Variants in DAB2IP observed in about 807,000 individuals in gnomAD.
DAB2IP encodes disabled homolog 2-interacting protein.
DAB2IP carries 28 observed loss-of-function variants against 107.2 expected under a neutral mutation model. That is an observed-to-expected ratio of 0.26 (90% CI 0.19 to 0.36). The LOEUF (loss-of-function observed/expected upper bound fraction) is 0.36. DAB2IP is among the 10% of genes least tolerant of loss of function. The probability of loss-of-function intolerance (pLI) is 1.00; values close to 1 mark genes in which losing one functional copy is unlikely to be tolerated. For missense variants in DAB2IP, 1,400 were observed against 1,644.7 expected, an observed-to-expected ratio of 0.85 and a Z score of 2.57; for synonymous variants, 755 against 706.4, an observed-to-expected ratio of 1.07 and a Z score of -1.09.
Position 121,701,867 on chromosome 9 carries a change from T to C in DAB2IP, c.362+2409T>C, listed in dbSNP as rs1250300187. On this transcript the variant is annotated intron_variant, in intron 3 of 15. Coordinates refer to ENST00000408936, the Ensembl canonical transcript of DAB2IP. This position sits in a 1 kb window ranked among gnomAD's most constrained non-coding sequence, Gnocchi z 4.7. Reference sequence around the variant, plus strand: ...TGAAGGCTGGGAGGGCAGGATGGGCTGTCTTTGGCTTGGTTTAGCAGCAAG... The same window carrying C: ...TGAAGGCTGGGAGGGCAGGATGGGCCGTCTTTGGCTTGGTTTAGCAGCAAG... 6.6e-6 allele frequency among the ~76,000 whole-genome samples: 1 copy of C among 152,184 alleles called. No individual in the cohort carries two copies. Among genetic ancestry groups the C allele is most frequent in the Non-Finnish European group, 1.5e-5 (1 of 68,044 alleles).
In DAB2IP at chr9:121,662,220, T is replaced by C. The variant is rs185875163; in HGVS notation, c.124+10321T>C. On this transcript the variant is annotated intron_variant, in intron 1 of 15. Transcript: ENST00000408936. This position sits in a 1 kb window ranked among gnomAD's most constrained non-coding sequence, Gnocchi z 4.6. ...ATATTGCAGACACCCACCTCTCAGG[T>C]TGAACAAACCTTAACATTGCCATAC... 2.6e-5 allele frequency among the ~76,000 whole-genome samples: 4 copies of C among 152,246 alleles called. No homozygotes were observed. The highest frequency in any genetic ancestry group is 2.0e-4 in the Admixed American group (3 of 15,304).
At position 121,772,726 on chromosome 9, in the gene DAB2IP, A is replaced by G. The variant is rs1399759591; in HGVS notation, c.2198A>G (p.Asn733Ser). ...CGCAGCTCGAGTTACTCGGAAGCCAACGAGCCTGATCTTCAGATGGCCAAC... is the reference window on the plus strand; with the variant it reads ...CGCAGCTCGAGTTACTCGGAAGCCAGCGAGCCTGATCTTCAGATGGCCAAC... The change falls in exon 12 of 16, where the codon AAC becomes AGC. Residue 733 changes from asparagine (N) to serine (S), a missense_variant. Asn to Ser is a conservative substitution (Grantham distance 46, BLOSUM62 1). Coordinates refer to ENST00000408936, the Ensembl canonical transcript of DAB2IP. This position sits in a 1 kb window ranked among gnomAD's most constrained non-coding sequence, Gnocchi z 4.7. 3 of 1,614,012 alleles carry G rather than the reference A, an allele frequency of 1.9e-6. No homozygotes were observed. The highest frequency in any genetic ancestry group is 1.7e-6 in the Non-Finnish European group (2 of 1,180,010).
intron 3 of DAB2IP, chr9:121,737,300 C>T (rs1311474568): frequency 1.0e-6 from 1 of 985,310 alleles, no homozygotes. Flanking sequence ...CATGTGGTTA[C>T]CTGCATGGAA....
Position 121,635,432 on chromosome 9 carries a change from C to G in DAB2IP, c.41-43246C>G, listed in dbSNP as rs1832052294. ...CAGTTAGTTGGTGGTAGAGCTGAAA[C>G]TGGAACTCTGGTCTCTCTGGCCATA... is the stretch of plus-strand genomic sequence containing the variant. On this transcript the variant is annotated intron_variant, in intron 1 of 16. Coordinates refer to the DAB2IP transcript ENST00000259371. The surrounding 1 kb of genome is among the most constrained non-coding windows in gnomAD (Gnocchi z 4.3). Among the ~76,000 whole-genome samples, 1 of 152,226 alleles carries G rather than the reference C, an allele frequency of 6.6e-6. No individual in the cohort carries two copies. Among genetic ancestry groups the G allele is most frequent in the African/African-American group, 2.4e-5 (1 of 41,458 alleles).
At chr9:121,783,597 A>T in exon 16 of DAB2IP, 1 of 1,607,448 alleles carries the variant, frequency 6.2e-7, no homozygotes, top group Non-Finnish European at 8.5e-7. Context: ...TTTTAAGTTG[A>T]GCGTGCGCAC....
intron 2 of DAB2IP, among the ~76,000 whole-genome samples, chr9:121,691,248 G>C (rs1202286844): frequency 6.6e-6 from 1 of 151,790 alleles, no homozygotes; most frequent in East Asian, 1.9e-4. Flanking sequence ...TATGGGGTGG[G>C]GGAGGCACTA....
At chr9:121,722,890 A>G (rs1185812521) in intron 3 of DAB2IP, among the ~76,000 whole-genome samples, 3 of 152,226 alleles carry the variant, frequency 2.0e-5, no homozygotes, top group African/African-American at 4.8e-5. Context: ...CAAAACTTCT[A>G]TGCCACTCCC....
intron 1 of DAB2IP, among the ~76,000 whole-genome samples, chr9:121,617,814 TG>T (rs2118988793): frequency 6.6e-6 from 1 of 152,272 alleles, no homozygotes; most frequent in East Asian, 1.9e-4. Context: ...TGAGCCTGAA[TG>T]GGGGGTCAGG....
intron 1 of DAB2IP, among the ~76,000 whole-genome samples, chr9:121,588,515 TGGAAGGGAAG>T (rs1286875098): frequency 1.9e-5 from 2 of 104,938 alleles, no homozygotes; most frequent in Non-Finnish European, 3.7e-5. Context: ...TCAACACCTG[TGGAAGGGAAG>T]GGAAGGGAAG....
intron 2 of DAB2IP, among the ~76,000 whole-genome samples, chr9:121,686,578 G>T (rs1208119872): frequency 2.6e-5 from 4 of 152,148 alleles, no homozygotes; most frequent in Non-Finnish European, 5.9e-5. Context: ...TCAGGGTCTT[G>T]GGGTACAGTG....
chr9:121,658,777 G>A (rs1192632126), intron 1 of DAB2IP, among the ~76,000 whole-genome samples: 1 of 152,158 alleles, frequency 6.6e-6, no homozygotes, highest in Non-Finnish European at 1.5e-5. Context: ...CGCCCATCAC[G>A]CCCTTGGAAA....
intron 1 of DAB2IP, among the ~76,000 whole-genome samples, chr9:121,666,177 C>T (rs1833412827): frequency 6.6e-6 from 1 of 152,180 alleles, no homozygotes; most frequent in East Asian, 1.9e-4. Flanking sequence ...TCACTCCCAC[C>T]TCTGCTTCCA....
intron 1 of DAB2IP, among the ~76,000 whole-genome samples, chr9:121,623,513 T>C (rs926797310): frequency 3.3e-5 from 5 of 151,614 alleles, no homozygotes; most frequent in Non-Finnish European, 7.4e-5. Context: ...ACTACAAGCA[T>C]GCACCACCAC....
At position 121,782,018 on chromosome 9, in the gene DAB2IP, C is replaced by A. The variant is rs1835693404; in HGVS notation, c.3403-313C>A. Among the ~76,000 whole-genome samples the A allele has an allele frequency of 6.6e-6, 1 of 152,206 alleles. No individual in the cohort carries two copies. The highest frequency in any genetic ancestry group is 1.9e-4 in the East Asian group (1 of 5,188). On this transcript the variant is annotated intron_variant, in intron 15 of 15. Transcript: ENST00000408936. The surrounding 1 kb of genome is among the most constrained non-coding windows in gnomAD (Gnocchi z 6.1). ...GGCTGGGCCTTGCTCAGGCTGTAAA[C>A]TGCACAGACCAGGAGCTGTGACCTC...
intron 3 of DAB2IP, chr9:121,751,336 A>T (rs959122212): frequency 6.5e-6 from 1 of 154,412 alleles, no homozygotes; most frequent in Non-Finnish European, 1.4e-5. Context: ...GGTCACCTCA[A>T]CTTTCTGGGT....
intron 1 of DAB2IP, among the ~76,000 whole-genome samples, chr9:121,636,585 C>A (rs958693588): frequency 2.0e-5 from 3 of 152,118 alleles, no homozygotes; most frequent in Non-Finnish European, 4.4e-5. Context: ...AGCAGGAGGG[C>A]CGTCTGGTTT....
chr9:121,595,472 G>C (rs921694753), intron 1 of DAB2IP, among the ~76,000 whole-genome samples: 2 of 151,956 alleles, frequency 1.3e-5, no homozygotes, highest in Admixed American at 6.6e-5. Flanking sequence ...CCATGGTGGC[G>C]TGTGCCTGTA....
intron 1 of DAB2IP, among the ~76,000 whole-genome samples, chr9:121,642,024 T>TCC (rs1832353493): frequency 2.7e-5 from 1 of 36,384 alleles, no homozygotes; most frequent in African/African-American, 1.2e-4. Flanking sequence ...TCTCTCTCTC[T>TCC]CTCTCTCTTT....
At chr9:121,769,306 C>T (rs997704939) in intron 10 of DAB2IP, among the ~76,000 whole-genome samples, 8 of 152,324 alleles carry the variant, frequency 5.3e-5, no homozygotes, top group East Asian at 3.9e-4. Flanking sequence ...TAGAGGTGAC[C>T]GCTCAGAGCA....
Sources: allele counts gnomAD v4.1 joint callset (sites outside exome capture counted in the v4.1 genomes callset), GRCh38; gene constraint gnomAD v4.1.1; non-coding constraint Gnocchi (gnomAD v3.1); transcripts MANE v1.5; gene names NCBI Gene and HGNC (gene_info 2026-07-23, HGNC 2026-07-21).